The following NFKBIE variants were observed in gnomAD, a reference collection of about 807,000 sequenced individuals.
The protein encoded by NFKBIE is NF-kappa-B inhibitor epsilon.
Under a neutral mutation model 31.6 loss-of-function variants are expected in NFKBIE, and 11 were observed. The ratio of observed to expected loss-of-function variants is 0.35; its 90% CI spans 0.22 to 0.58. The LOEUF (loss-of-function observed/expected upper bound fraction) is 0.58. Among genes scored for constraint, NFKBIE ranks in the 20% least tolerant of loss-of-function variants. The pLI, the probability that NFKBIE is intolerant of heterozygous loss-of-function variation, is 0.83. For synonymous variants in NFKBIE, 208 were observed against 210.1 expected (o/e 0.99, Z 0.09); for missense variants, 354 against 465.7 (o/e 0.76, Z 2.21).
Position 44,261,933 on chromosome 6 carries a change from G to A in NFKBIE, c.469-85C>T. ...TGCTTGGGCTCAAGAATCACCAGCT[G>A]CCAGCATCTTCTTTGAAAGCAGCTT... On this transcript the variant is annotated intron_variant, in intron 2 of 5. Transcript: ENST00000619360. This position sits in a 1 kb window ranked among gnomAD's most constrained non-coding sequence, Gnocchi z 4.3. 8.0e-7 allele frequency: 1 copy of A among 1,254,174 alleles called. No homozygotes were observed. Among genetic ancestry groups the A allele is most frequent in the South Asian group, 1.3e-5 (1 of 77,158 alleles). The allele number at this position is 1,254,174 out of a possible 1,614,324, so 77.7% of individuals were successfully genotyped here.
In NFKBIE at chr6:44,261,681, T is replaced by C. The variant is rs1781925572; in HGVS notation, c.636A>G (p.Pro212=). Residue 212 remains proline (P), a synonymous_variant, in exon 3 of 6, where the codon CCA becomes CCG. Coordinates refer to ENST00000619360, the MANE Select transcript of NFKBIE (RefSeq NM_004556.3). This position sits in a 1 kb window ranked among gnomAD's most constrained non-coding sequence, Gnocchi z 4.3. The part of the protein sequence containing the change: ...ACARCLLEGR[P]EPGRGTSHSL... ...AGTGAGATGTTCCTCTGCCTGGCTC[T>C]GGCCGCCCTTCCAGCAGGCAGCGGG... The C allele has an allele frequency of 3.7e-6, 6 of 1,614,222 alleles. No individual in the cohort carries two copies. Among genetic ancestry groups the C allele is most frequent in the Non-Finnish European group, 5.1e-6 (6 of 1,180,030 alleles).
chr6:44,265,538 A>C lies in NFKBIE; in HGVS notation c.-192T>G. On this transcript the variant is annotated 5_prime_UTR_variant, in exon 1 of 6. Transcript: ENST00000619360. ...AAGGTTCGGAGCGCTGGCCAGGTCC[A>C]CCCAGCGGTTACTGTGGGCAGCCGA... The C allele has an allele frequency of 3.8e-6, 6 of 1,572,100 alleles. No individual in the cohort carries two copies. The highest frequency in any genetic ancestry group is 5.2e-6 in the Non-Finnish European group (6 of 1,160,792).
At position 44,264,933 on chromosome 6, in the gene NFKBIE, G is replaced by A. The variant is rs369182955; in HGVS notation, c.365+49C>T. ...GGGTGCCCGACCTGTTGCGGCTCTTGGGCAGGCCCAGAGTTAGCATCCCGA... is the reference window on the plus strand; with the variant it reads ...GGGTGCCCGACCTGTTGCGGCTCTTAGGCAGGCCCAGAGTTAGCATCCCGA... On this transcript the variant is annotated intron_variant, in intron 1 of 5. Coordinates refer to ENST00000619360, the MANE Select transcript of NFKBIE (RefSeq NM_004556.3). The A allele has an allele frequency of 3.2e-4, 487 of 1,536,890 alleles. 1 individual carries two copies. The African/African-American group carries it at 5.4e-3, about 17-fold the overall frequency.
chr6:44,259,942 T>G, intron 5 of NFKBIE, 101 bp downstream of exon 5: 3 of 1,479,508 alleles, frequency 2.0e-6, no homozygotes, highest in Non-Finnish European at 2.7e-6. Flanking sequence ...GTCCTGGTTA[T>G]ACCCCAGGAC....
chr6:44,264,996 G>A lies in NFKBIE; in HGVS notation c.351C>T (p.Ser117=), dbSNP rs2233435. 4.8e-4 allele frequency: 750 copies of A among 1,575,478 alleles called. 5 individuals are homozygous for A. The African/African-American group carries it at 8.6e-3, about 18-fold the overall frequency. The change falls in exon 1 of 6, where the codon TCC becomes TCT. Residue 117 remains serine, a synonymous_variant. Coordinates refer to ENST00000619360, the MANE Select transcript of NFKBIE (RefSeq NM_004556.3). ...PQQLEALTYI[S]EDGDTLVHLA... is the part of the protein sequence containing the mutation. ...CCCATACTCACGTGTCTCCGTCCTC[G>A]GAGATGTAAGTGAGTGCTTCCAGCT...
rs1781915721 is a variant in NFKBIE, at chr6:44,261,402, C to T, written c.691+224G>A. On this transcript the variant is annotated intron_variant, in intron 3 of 5. Transcript: ENST00000619360. This position sits in a 1 kb window ranked among gnomAD's most constrained non-coding sequence, Gnocchi z 4.3. ...TCTATTAAACTAAGTATCTTAAGGG[C>T]AAGATTTAGTTTTCTTCTCAGCAGG... Among the ~76,000 whole-genome samples the T allele has an allele frequency of 6.6e-6, 1 of 152,220 alleles. No homozygotes were observed. The highest frequency in any genetic ancestry group is 2.1e-4 in the South Asian group (1 of 4,832).
In NFKBIE at chr6:44,261,380, A is replaced by G. The variant is rs1374650661; in HGVS notation, c.691+246T>C. 6.6e-6 allele frequency among the ~76,000 whole-genome samples: 1 copy of G among 152,258 alleles called. No homozygotes were observed. Among genetic ancestry groups the G allele is most frequent in the East Asian group, 1.9e-4 (1 of 5,208 alleles). ...GAATGAATCAGGTCATCTAATCTCT[A>G]TTAAACTAAGTATCTTAAGGGCAAG... On this transcript the variant is annotated intron_variant, in intron 3 of 5. Transcript: ENST00000619360. The surrounding 1 kb of genome is among the most constrained non-coding windows in gnomAD (Gnocchi z 4.3).
intron 5 of NFKBIE, 116 bp from the exon 6 acceptor site, chr6:44,259,400 A>G: frequency 2.7e-6 from 2 of 751,680 alleles, no homozygotes; most frequent in Non-Finnish European, 4.8e-6. Flanking sequence ...ACAGTTGAAG[A>G]CCATCAGGGA....
chr6:44,260,814 T>C lies in NFKBIE; in HGVS notation c.692-275A>G, dbSNP rs569597372. On this transcript the variant is annotated intron_variant, in intron 3 of 5. Coordinates refer to ENST00000619360, the MANE Select transcript of NFKBIE (RefSeq NM_004556.3). The surrounding 1 kb of genome is among the most constrained non-coding windows in gnomAD (Gnocchi z 5.5). ...ACCCCCAAAGAACACCCTCCTCCTA[T>C]ACACAAACTACAACACACACACACA... 1.6e-5 allele frequency among the ~76,000 whole-genome samples: 2 copies of C among 125,044 alleles called. No individual in the cohort carries two copies. The highest frequency in any genetic ancestry group is 5.0e-4 in the South Asian group (2 of 4,016). 82.0% of individuals were successfully genotyped at this position (125,044 alleles called of 152,430 possible).
chr6:44,259,293 G>T lies in NFKBIE; in HGVS notation c.1021-9C>A. On this transcript the variant is annotated splice_polypyrimidine_tract_variant and intron_variant, in intron 5 of 5. Coordinates refer to ENST00000619360, the MANE Select transcript of NFKBIE (RefSeq NM_004556.3). ...GGCAAAAGGACAAGGGACTGAGAAG[G>T]AGAATGGAGAGAAGCAAGATCAGAG... 1 of 1,602,926 alleles carries T rather than the reference G, an allele frequency of 6.2e-7. No homozygotes were observed. The highest frequency in any genetic ancestry group is 1.1e-5 in the South Asian group (1 of 90,788).
In NFKBIE at chr6:44,265,029, G is replaced by A. The variant is rs1291179590; in HGVS notation, c.318C>T (p.Ser106=). 1.3e-6 allele frequency: 2 copies of A among 1,585,616 alleles called. No homozygotes were observed. The highest frequency in any genetic ancestry group is 1.2e-5 in the South Asian group (1 of 86,590). Residue 106 remains serine, a synonymous_variant, in exon 1 of 6, where the codon AGC becomes AGT. Coordinates refer to ENST00000619360, the MANE Select transcript of NFKBIE (RefSeq NM_004556.3). ...AAGTGAGTGCTTCCAGCTGCTGAGGGCTCAGCGCCCCCACGTGGGGGAGTG... is the reference window on the plus strand; with the variant it reads ...AAGTGAGTGCTTCCAGCTGCTGAGGACTCAGCGCCCCCACGTGGGGGAGTG... ...RLPLPHVGAL[S]PQQLEALTYI...
rs1781780370 is a variant in NFKBIE at position 44,258,830 on chromosome 6, G to A, written c.*389C>T. The stretch of plus-strand genomic sequence containing the variant: ...GCAATAAGATGGGACACCTCTCAGG[G>A]TTCTGCTTGCTCCTATTTCAGTCTC... On this transcript the variant is annotated 3_prime_UTR_variant, in exon 6 of 6. Transcript: ENST00000619360. The A allele has an allele frequency of 1.1e-5, 2 of 177,248 alleles. No individual in the cohort carries two copies. The highest frequency in any genetic ancestry group is 2.4e-5 in the Non-Finnish European group (2 of 82,056). The allele number at this position is 177,248 out of a possible 1,614,324, so 11.0% of individuals were successfully genotyped here. A position where few individuals can be genotyped will look rare whatever the true frequency, so the allele number is the denominator to read the frequency against.
At position 44,261,603 on chromosome 6, in the gene NFKBIE, G is replaced by A. The variant is rs1781923326; in HGVS notation, c.691+23C>T. On this transcript the variant is annotated intron_variant, in intron 3 of 5. Coordinates refer to ENST00000619360, the MANE Select transcript of NFKBIE (RefSeq NM_004556.3). The surrounding 1 kb of genome is among the most constrained non-coding windows in gnomAD (Gnocchi z 4.3). ...CCTCCTCATCCCACAGGCCCTAAGG[G>A]CAGTCTTAAAGACTGTCCACACCTT... The A allele has an allele frequency of 6.2e-7, 1 of 1,606,820 alleles. No individual in the cohort carries two copies.
Position 44,265,450 on chromosome 6 carries a change from C to T in NFKBIE, c.-104G>A, listed in dbSNP as rs779682625. 2 of 1,509,840 alleles carry T rather than the reference C, an allele frequency of 1.3e-6. No homozygotes were observed. Among genetic ancestry groups the T allele is most frequent in the South Asian group, 1.2e-5 (1 of 80,548 alleles). 93.5% of individuals were successfully genotyped at this position (1,509,840 alleles called of 1,614,324 possible). ...CGGGTCCGCTTGGCAGAGCGGGCGC[C>T]CGGCCCGCGGCGGCCTCCTTCCCGG... On this transcript the variant is annotated 5_prime_UTR_variant, in exon 1 of 6. Coordinates refer to ENST00000619360, the MANE Select transcript of NFKBIE (RefSeq NM_004556.3).
At chr6:44,264,373 T>C (rs1475826101) in intron 1 of NFKBIE, among the ~76,000 whole-genome samples, 3 of 152,080 alleles carry the variant, frequency 2.0e-5, no homozygotes, top group Admixed American at 2.0e-4. Flanking sequence ...GCTCTGGAGG[T>C]AGAGGATGTC....
rs546145797 is a variant in NFKBIE, at chr6:44,262,786, G to A, written c.366-124C>T. ...TACCCATAGGGTAGGTCCAGGAAGT[G>A]AGAGTGTGGGCCAGGAAGTGAGGGT... On this transcript the variant is annotated intron_variant, in intron 1 of 5. Coordinates refer to ENST00000619360, the MANE Select transcript of NFKBIE (RefSeq NM_004556.3). 2.0e-4 allele frequency: 134 copies of A among 682,946 alleles called. No homozygotes were observed. In the African/African-American group the frequency reaches 2.0e-3, roughly 10 times the overall value. The allele number at this position is 682,946 out of a possible 1,614,324, so 42.3% of individuals were successfully genotyped here.
Position 44,262,652 on chromosome 6 carries a change from G to C in NFKBIE, c.376C>G (p.Leu126Val). The change falls in exon 2 of 6, where the codon CTG (leucine) becomes GTG (valine). Residue 126 changes from leucine (L) to valine (V), a missense_variant. This residue lies in a region of NFKBIE where 183 missense variants were observed against 310.6 expected (regional missense o/e 0.59). Transcript: ENST00000619360. The stretch of plus-strand genomic sequence containing the variant: ...GCTGGGGCCTCATGAATCACTGCCA[G>C]GTGGACCAGCCTAGGGGAGCAGAGG... The part of the protein sequence containing the change: ...ISEDGDTLVH[L>V]AVIHEAPAVL... The C allele has an allele frequency of 6.2e-7, 1 of 1,614,068 alleles. No homozygotes were observed. The highest frequency in any genetic ancestry group is 8.5e-7 in the Non-Finnish European group (1 of 1,179,912).
rs2233433 is a variant in NFKBIE at position 44,265,240 on chromosome 6, G to A, written c.107C>T (p.Pro36Leu). The change falls in exon 1 of 6, where the codon CCA becomes CTA. Residue 36 changes from proline to leucine, a missense_variant. Coordinates refer to ENST00000619360, the MANE Select transcript of NFKBIE (RefSeq NM_004556.3). Reference protein sequence around the residue: ...LRSLPESTSAPASGPSDGSPQ... With the variant: ...LRSLPESTSALASGPSDGSPQ... ...GCTGCCGTCCGAGGGCCCGGAGGCT[G>A]GAGCCGAGGTGGACTCGGGTAGGGA... 67,992 of 1,552,660 alleles carry A rather than the reference G, an allele frequency of 0.044. 2,199 individuals are homozygous for A. Among genetic ancestry groups the A allele is most frequent in the East Asian group, 0.19 (7,785 of 41,042 alleles).
chr6:44,262,987 C>T (rs1172212948), intron 1 of NFKBIE, among the ~76,000 whole-genome samples: 1 of 152,246 alleles, frequency 6.6e-6, no homozygotes, highest in Admixed American at 6.5e-5. Context: ...CCAGCTGCAG[C>T]TCAAAGCCAA....
Sources: allele counts gnomAD v4.1 joint callset (sites outside exome capture counted in the v4.1 genomes callset), GRCh38; gene constraint gnomAD v4.1.1; regional missense constraint gnomAD v4.1.1; non-coding constraint Gnocchi (gnomAD v3.1); transcripts MANE v1.5; gene names NCBI Gene and HGNC (gene_info 2026-07-23, HGNC 2026-07-21).